Variants in CDH20 observed in about 807,000 individuals in gnomAD.
The protein encoded by CDH20 is cadherin 20, also known as cadherin-20.
Under a neutral mutation model 74.2 loss-of-function variants are expected in CDH20, and 29 were observed. That is an observed-to-expected ratio of 0.39 (90% CI 0.29 to 0.53). The LOEUF is 0.53. CDH20 is among the 20% of genes least tolerant of loss of function. CDH20 has a pLI of 0.69. For synonymous variants in CDH20, 469 were observed against 405.4 expected, an observed-to-expected ratio of 1.16 and a Z score of -1.88; for missense variants, 988 against 1,048.3, an observed-to-expected ratio of 0.94 and a Z score of 0.79.
chr18:61,499,629 C>T (rs751254665), intron 3 of CDH20, 149 bp downstream of exon 3: 18 of 645,222 alleles, frequency 2.8e-5, no homozygotes, highest in Non-Finnish European at 4.2e-5. Context: ...TATAAAGCAA[C>T]CAAAAATGAC....
chr18:61,374,067 T>C (rs1911129464), intron 1 of CDH20, among the ~76,000 whole-genome samples: 1 of 152,120 alleles, frequency 6.6e-6, no homozygotes, highest in Non-Finnish European at 1.5e-5. Flanking sequence ...TCTAAATCAA[T>C]TCACAATTTT....
chr18:61,499,527 T>TACACACAC, intron 3 of CDH20, 47 bp downstream of exon 3: 2 of 1,209,834 alleles, frequency 1.7e-6, no homozygotes, highest in Non-Finnish European at 2.3e-6. Flanking sequence ...CTCCTATATA[T>TACACACAC]ATACACACAC....
intron 6 of CDH20, among the ~76,000 whole-genome samples, chr18:61,527,522 C>G (rs1440605860): frequency 5.9e-5 from 9 of 151,988 alleles, no homozygotes; most frequent in Non-Finnish European, 1.3e-4. Context: ...ATAATGTGAC[C>G]AACCGTCCTG....
At chr18:61,475,706 G>A (rs573429340) in intron 1 of CDH20, among the ~76,000 whole-genome samples, 8 of 152,262 alleles carry the variant, frequency 5.3e-5, no homozygotes, top group African/African-American at 1.7e-4. Context: ...GCACTAAAGT[G>A]GAAAATGATC....
chr18:61,497,168 C>G (rs1378286401), intron 2 of CDH20, among the ~76,000 whole-genome samples: 1 of 150,812 alleles, frequency 6.6e-6, no homozygotes, highest in Non-Finnish European at 1.5e-5. Flanking sequence ...GTGAGAACTT[C>G]ACATTCTAAA....
chr18:61,379,994 G>A (rs1435749912), intron 1 of CDH20, among the ~76,000 whole-genome samples: 1 of 152,204 alleles, frequency 6.6e-6, no homozygotes, highest in Non-Finnish European at 1.5e-5. Flanking sequence ...AGTTGATACA[G>A]GCAAAGCATC....
chr18:61,344,637 C>G (rs1391681269), intron 1 of CDH20, among the ~76,000 whole-genome samples: 3 of 152,102 alleles, frequency 2.0e-5, no homozygotes, highest in Non-Finnish European at 2.9e-5. Flanking sequence ...TCAAATAGTG[C>G]AAATTACCAT....
intron 5 of CDH20, among the ~76,000 whole-genome samples, chr18:61,506,072 G>A (rs1169526014): frequency 1.3e-5 from 2 of 152,144 alleles, no homozygotes; most frequent in East Asian, 3.8e-4. Flanking sequence ...AATAAGCTAA[G>A]CCACCTTTAA....
Position 61,545,046 on chromosome 18 carries a change from C to G in CDH20, c.1550C>G (p.Ala517Gly), listed in dbSNP as rs759320871. Residue 517 changes from alanine to glycine, a missense_variant, in exon 10 of 12, where the codon GCG becomes GGG. Around this residue, in one of 2 missense-constraint regions of CDH20, gnomAD observed 613 missense variants for 755.2 expected, o/e 0.81. Coordinates refer to ENST00000262717, the MANE Select transcript of CDH20 (RefSeq NM_031891.4). ...CCTCAGCTGATCCAGACAGTGAGTG[C>G]GGTGGACCAAGATGACCCACGCAAT... is the stretch of plus-strand genomic sequence containing the variant. ...KAGQLIQTVS[A>G]VDQDDPRNGQ... The G allele has an allele frequency of 1.2e-6, 2 of 1,612,520 alleles. No homozygotes were observed. Among genetic ancestry groups the G allele is most frequent in the Non-Finnish European group, 1.7e-6 (2 of 1,178,710 alleles).
chr18:61,528,049 T>C lies in CDH20; in HGVS notation c.1100T>C (p.Leu367Ser). Reference sequence around the variant, plus strand: ...CACCTAGAGATGCGTTTTCTGAACTTGGGCCCATTTCAGGACACAACAACA... The same window carrying C: ...CACCTAGAGATGCGTTTTCTGAACTCGGGCCCATTTCAGGACACAACAACA... ...NPHLEMRFLN[L>S]GPFQDTTTVH... Residue 367 changes from leucine to serine, a missense_variant, in exon 7 of 12, where the codon TTG becomes TCG. Physicochemically the swap from Leu to Ser is moderately radical, Grantham distance 145. Around this residue, in one of 2 missense-constraint regions of CDH20, gnomAD observed 613 missense variants for 755.2 expected, o/e 0.81. Coordinates refer to ENST00000262717, the MANE Select transcript of CDH20 (RefSeq NM_031891.4). 6.2e-7 allele frequency: 1 copy of C among 1,614,166 alleles called. No individual in the cohort carries two copies. The highest frequency in any genetic ancestry group is 8.5e-7 in the Non-Finnish European group (1 of 1,180,002).
chr18:61,383,401 T>TA (rs1390126007), intron 1 of CDH20, among the ~76,000 whole-genome samples: 2 of 151,940 alleles, frequency 1.3e-5, no homozygotes, highest in East Asian at 3.9e-4. Flanking sequence ...GCCAACATGG[T>TA]AAAAACCCGT....
At chr18:61,376,527 C>G (rs1017040844) in intron 1 of CDH20, among the ~76,000 whole-genome samples, 3 of 151,890 alleles carry the variant, frequency 2.0e-5, no homozygotes, top group African/African-American at 7.3e-5. Flanking sequence ...AAAAAGTTGC[C>G]TTTTATTGGA....
intron 7 of CDH20, among the ~76,000 whole-genome samples, chr18:61,532,334 T>C (rs1912673434): frequency 6.6e-6 from 1 of 152,194 alleles, no homozygotes; most frequent in South Asian, 2.1e-4. Flanking sequence ...ATTTTCTTCC[T>C]TAAATTTCCT....
At chr18:61,404,108 GC>G (rs1342697510) in intron 1 of CDH20, among the ~76,000 whole-genome samples, 5 of 152,192 alleles carry the variant, frequency 3.3e-5, no homozygotes, top group African/African-American at 1.2e-4. Flanking sequence ...AGGATAAATA[GC>G]CAATGTATGT....
chr18:61,490,889 G>T, intron 2 of CDH20, 90 bp downstream of exon 2: 2 of 1,422,024 alleles, frequency 1.4e-6, no homozygotes, highest in South Asian at 1.3e-5. Context: ...CTTTATCTGA[G>T]ACCTGAGAAA....
chr18:61,400,860 A>G (rs1912131594), intron 1 of CDH20, among the ~76,000 whole-genome samples: 1 of 152,212 alleles, frequency 6.6e-6, no homozygotes, highest in Admixed American at 6.5e-5. Context: ...TATTCGATAT[A>G]AACTGAAAGA....
intron 1 of CDH20, among the ~76,000 whole-genome samples, chr18:61,338,844 T>C (rs1909842630): frequency 6.6e-6 from 1 of 152,154 alleles, no homozygotes; most frequent in Non-Finnish European, 1.5e-5. Flanking sequence ...TAAAGAGGTA[T>C]CTTGCATGGG....
intron 1 of CDH20, among the ~76,000 whole-genome samples, chr18:61,395,280 T>G (rs1911926691): frequency 6.6e-6 from 1 of 152,214 alleles, no homozygotes; most frequent in African/African-American, 2.4e-5. Flanking sequence ...TTTACAAGCC[T>G]TTGTAACCCT....
intron 1 of CDH20, among the ~76,000 whole-genome samples, chr18:61,450,891 C>T (rs1480630058): frequency 6.6e-6 from 1 of 152,002 alleles, no homozygotes; most frequent in Non-Finnish European, 1.5e-5. Context: ...TGAACACTTA[C>T]ATTTTTTTGA....
Sources: allele counts gnomAD v4.1 joint callset (sites outside exome capture counted in the v4.1 genomes callset), GRCh38; gene constraint gnomAD v4.1.1; regional missense constraint gnomAD v4.1.1; transcripts MANE v1.5; gene names NCBI Gene and HGNC (gene_info 2026-07-23, HGNC 2026-07-21).